CLNK: variants seen among roughly 807,000 people sequenced by gnomAD.
CLNK encodes cytokine dependent hematopoietic cell linker, also known as cytokine-dependent hematopoietic cell linker.
Under a neutral mutation model 68.6 loss-of-function variants are expected in CLNK, and 74 were observed. The observed-to-expected ratio is 1.08, with a 90% CI of 0.89 to 1.31. The LOEUF is 1.31. Among genes scored for constraint, CLNK ranks in the 50% most tolerant of loss-of-function variants. The pLI is 0.00. For missense variants in CLNK, 553 were observed against 515.3 expected, an observed-to-expected ratio of 1.07 and a Z score of -0.71; for synonymous variants, 198 against 172.2, an observed-to-expected ratio of 1.15 and a Z score of -1.17.
intron 17 of CLNK, among the ~76,000 whole-genome samples, chr4:10,504,476 A>G (rs1480159771): frequency 6.6e-6 from 1 of 152,204 alleles, no homozygotes; most frequent in Non-Finnish European, 1.5e-5. Context: ...GTCTCATTTT[A>G]CAGGTAAAGG....
chr4:10,675,345 A>G (rs1724828148), intron 1 of CLNK, among the ~76,000 whole-genome samples: 1 of 152,232 alleles, frequency 6.6e-6, no homozygotes, highest in Non-Finnish European at 1.5e-5. Context: ...TGTTTTAAGA[A>G]GCAGAGACTT....
chr4:10,641,661 A>C (rs1340936215), intron 2 of CLNK, among the ~76,000 whole-genome samples: 1 of 152,168 alleles, frequency 6.6e-6, no homozygotes, highest in Non-Finnish European at 1.5e-5. Context: ...TAAATGACAA[A>C]AATGCATCCT....
chr4:10,703,246 C>G, the CLNK span, among the ~76,000 whole-genome samples: 1 of 152,066 alleles, frequency 6.6e-6, no homozygotes, highest in Non-Finnish European at 1.5e-5. Context: ...GTTATGAACA[C>G]TAAAGAACAC....
chr4:10,577,280 A>T (rs1720603292), intron 4 of CLNK, among the ~76,000 whole-genome samples: 1 of 152,158 alleles, frequency 6.6e-6, no homozygotes, highest in Non-Finnish European at 1.5e-5. Flanking sequence ...TGTGGCAAAG[A>T]TCAGGGCTGG....
At chr4:10,535,683 T>C (rs1467303400) in intron 11 of CLNK, among the ~76,000 whole-genome samples, 1 of 152,166 alleles carries the variant, frequency 6.6e-6, no homozygotes, top group Non-Finnish European at 1.5e-5. Context: ...AGTGCAGTGG[T>C]TAGTAGATAT....
At chr4:10,638,626 T>C (rs894511805) in intron 2 of CLNK, among the ~76,000 whole-genome samples, 4 of 152,240 alleles carry the variant, frequency 2.6e-5, no homozygotes, top group African/African-American at 9.6e-5. Flanking sequence ...GTTACTATGA[T>C]TGTCATTCCT....
intron 1 of CLNK, among the ~76,000 whole-genome samples, chr4:10,680,271 T>A (rs1725044202): frequency 6.9e-6 from 1 of 144,932 alleles, no homozygotes. Context: ...GCAAGGACAA[T>A]AAACCAAACA....
chr4:10,599,067 G>C (rs137897656), intron 2 of CLNK, among the ~76,000 whole-genome samples: 1 of 152,188 alleles, frequency 6.6e-6, no homozygotes, highest in Non-Finnish European at 1.5e-5. Flanking sequence ...TCACAGACTC[G>C]CTCCTTCACA....
intron 4 of CLNK, among the ~76,000 whole-genome samples, chr4:10,572,800 C>T (rs7696419): frequency 0.97 from 147,356 of 152,328 alleles, 71,462 homozygotes; most frequent in East Asian, 1. Flanking sequence ...CTGGCTTTAT[C>T]ATTTTCCCAT....
chr4:10,643,229 G>A (rs1194770587), intron 2 of CLNK, among the ~76,000 whole-genome samples: 1 of 152,202 alleles, frequency 6.6e-6, no homozygotes, highest in East Asian at 1.9e-4. Flanking sequence ...TGCAGAGAAA[G>A]AAGCTCATAT....
At chr4:10,509,694 T>C (rs1464282415) in intron 16 of CLNK, among the ~76,000 whole-genome samples, 1 of 152,024 alleles carries the variant, frequency 6.6e-6, no homozygotes, top group Non-Finnish European at 1.5e-5. Flanking sequence ...CCCGGCTAAT[T>C]TTTGTATTTT....
intron 11 of CLNK, among the ~76,000 whole-genome samples, 159 bp from the exon 12 acceptor site, chr4:10,532,442 A>T (rs575672481): frequency 6.6e-6 from 1 of 152,378 alleles, no homozygotes; most frequent in African/African-American, 2.4e-5. Flanking sequence ...AACTAAAGCC[A>T]GGTTATTTTT....
intron 1 of CLNK, among the ~76,000 whole-genome samples, chr4:10,669,389 T>A (rs151285755): frequency 6.6e-6 from 1 of 152,358 alleles, no homozygotes; most frequent in East Asian, 1.9e-4. Flanking sequence ...ATAGAGGAGA[T>A]AATACTTGAG....
In CLNK at chr4:10,520,819, C is replaced by T. The variant is rs777926065; in HGVS notation, c.744G>A (p.Thr248=). Residue 248 remains threonine (T), a synonymous_variant, in exon 15 of 19, where the codon ACG becomes ACA. Transcript: ENST00000226951. ...TGTTTTGCACACTGTGGTTGCTTGT[C>T]GTGAATGAAGAACTATAAGAAAATA... ...IPLAISSSSF[T]TSNHSVQNRD... 57 of 1,605,786 alleles carry T rather than the reference C, an allele frequency of 3.5e-5. No homozygotes were observed. Among genetic ancestry groups the T allele is most frequent in the Non-Finnish European group, 4.0e-5 (47 of 1,174,830 alleles).
chr4:10,558,785 C>T (rs1719778362), intron 7 of CLNK, among the ~76,000 whole-genome samples: 1 of 152,068 alleles, frequency 6.6e-6, no homozygotes, highest in Non-Finnish European at 1.5e-5. Context: ...TCATTCATGT[C>T]CCTGAGTTAA....
chr4:10,588,367 G>T (rs563803012), intron 3 of CLNK, among the ~76,000 whole-genome samples: 5 of 152,290 alleles, frequency 3.3e-5, no homozygotes, highest in East Asian at 3.9e-4. Context: ...GTGCTAAAAA[G>T]CATGTTGGAG....
chr4:10,593,753 C>T (rs898095179), intron 3 of CLNK, among the ~76,000 whole-genome samples: 1 of 152,198 alleles, frequency 6.6e-6, no homozygotes, highest in Non-Finnish European at 1.5e-5. Flanking sequence ...ATTATGGCTG[C>T]CTGCACTTTG....
At chr4:10,642,981 C>A (rs1430567775) in intron 2 of CLNK, among the ~76,000 whole-genome samples, 1 of 152,060 alleles carries the variant, frequency 6.6e-6, no homozygotes, top group Non-Finnish European at 1.5e-5. Flanking sequence ...CTACCTAGAA[C>A]AAAACAGGCT....
At chr4:10,628,604 C>G (rs1324864983) in intron 2 of CLNK, among the ~76,000 whole-genome samples, 1 of 152,176 alleles carries the variant, frequency 6.6e-6, no homozygotes, top group African/African-American at 2.4e-5. Flanking sequence ...TTGGGCTCAA[C>G]TTCTCATTCC....
Sources: allele counts gnomAD v4.1 joint callset (sites outside exome capture counted in the v4.1 genomes callset), GRCh38; gene constraint gnomAD v4.1.1; transcripts MANE v1.5; gene names NCBI Gene and HGNC (gene_info 2026-07-23, HGNC 2026-07-21).